Variants in ABCA13 observed in about 807,000 individuals in gnomAD.
The protein encoded by ABCA13 is ATP-binding cassette sub-family A member 13.
In ABCA13, 476 loss-of-function variants were observed where a neutral mutation model predicts 478.7. That is an observed-to-expected ratio of 0.99 (90% CI 0.92 to 1.07). ABCA13 has a LOEUF of 1.07. Among genes scored for constraint, ABCA13 ranks in the 50% least tolerant of loss-of-function variants. The pLI, the probability that ABCA13 is intolerant of heterozygous loss-of-function variation, is 0.00. For synonymous variants in ABCA13, 2,252 were observed against 2,158.9 expected, an observed-to-expected ratio of 1.04 and a Z score of -1.20; for missense variants, 6,060 against 5,910.6, an observed-to-expected ratio of 1.03 and a Z score of -0.83.
intron 31 of ABCA13, among the ~76,000 whole-genome samples, chr7:48,363,692 A>G (rs1199202349): frequency 2.6e-5 from 4 of 152,022 alleles, no homozygotes; most frequent in African/African-American, 9.7e-5. Flanking sequence ...TTTGTGCAGT[A>G]TCAATTTGGC....
chr7:48,589,492 T>C (rs1789517334), intron 57 of ABCA13, among the ~76,000 whole-genome samples: 1 of 152,194 alleles, frequency 6.6e-6, no homozygotes, highest in South Asian at 2.1e-4. Context: ...ACATAAATAT[T>C]CTGATGTGTT....
In ABCA13 at chr7:48,171,529, T is replaced by G; in HGVS notation, c.46T>G (p.Trp16Gly). The G allele has an allele frequency of 6.5e-7, 1 of 1,536,420 alleles. No homozygotes were observed. Reference sequence around the variant, plus strand: ...GTTCAAAGCCCTGCTGTGGAAGAATTGGCTCTGCAGACTCAGGAACCCGGT... The same window carrying G: ...GTTCAAAGCCCTGCTGTGGAAGAATGGGCTCTGCAGACTCAGGAACCCGGT... The part of the protein sequence containing the change: ...CQFKALLWKN[W>G]LCRLRNPVLF... Residue 16 changes from tryptophan (W) to glycine (G), a missense_variant, in exon 1 of 62, where the codon TGG becomes GGG. Transcript: ENST00000435803.
At position 48,305,027 on chromosome 7, in the gene ABCA13, A is replaced by T. The variant is rs139467120; in HGVS notation, c.9322-4920A>T. 3.3e-5 allele frequency among the ~76,000 whole-genome samples: 5 copies of T among 152,354 alleles called. No homozygotes were observed. The South Asian group carries it at 1.0e-3, about 32-fold the overall frequency. ...AATTCTTATTCATCTTTTCCCTTAA[A>T]TATCCTGTAAGTCAAAACTGTGCTT... On this transcript the variant is annotated intron_variant, in intron 23 of 61. Coordinates refer to ENST00000435803, the MANE Select transcript of ABCA13 (RefSeq NM_152701.5).
chr7:48,420,610 G>A (rs1221381695), intron 41 of ABCA13, among the ~76,000 whole-genome samples: 2 of 152,036 alleles, frequency 1.3e-5, no homozygotes, highest in African/African-American at 4.8e-5. Context: ...TGATTAGTGG[G>A]TTCCCTTTGT....
chr7:48,518,925 C>T (rs1832327086), intron 52 of ABCA13, among the ~76,000 whole-genome samples: 1 of 152,006 alleles, frequency 6.6e-6, no homozygotes, highest in Non-Finnish European at 1.5e-5. Context: ...GGTATTAAGC[C>T]CAGCATGCAT....
intron 48 of ABCA13, among the ~76,000 whole-genome samples, chr7:48,501,421 C>T (rs955489720): frequency 6.6e-6 from 1 of 152,100 alleles, no homozygotes; most frequent in African/African-American, 2.4e-5. Context: ...TAGAGCGCCC[C>T]ATGAGAGGAA....
rs1303518050 is a variant in ABCA13, at chr7:48,410,543, C to T, written c.12094C>T (p.His4032Tyr). 4.3e-6 allele frequency: 7 copies of T among 1,613,942 alleles called. No homozygotes were observed. Among genetic ancestry groups the T allele is most frequent in the Non-Finnish European group, 5.9e-6 (7 of 1,179,912 alleles). The change falls in exon 40 of 62, where the codon CAC (histidine) becomes TAC (tyrosine). Residue 4032 changes from histidine (H) to tyrosine (Y), a missense_variant. Transcript: ENST00000435803. ...AGGTCGTACGATCATCTTCACAACC[C>T]ACCACCTGGATGAAGCTGAAGCGCT... is the stretch of plus-strand genomic sequence containing the variant. ...REGRTIIFTT[H>Y]HLDEAEALSD...
chr7:48,500,879 ACACAGGACATAGTCCTGTGAGTGG>A (rs1339074073), intron 48 of ABCA13, among the ~76,000 whole-genome samples: 1 of 152,146 alleles, frequency 6.6e-6, no homozygotes, highest in East Asian at 1.9e-4. Flanking sequence ...AGGTGACCTT[ACACAGGACATAGTCCTGTGAGTGG>A]GCTATAGTAC....
chr7:48,242,876 C>A (rs35060898), intron 10 of ABCA13: 41,108 of 152,164 alleles, frequency 0.27, 6,285 homozygotes, highest in Non-Finnish European at 0.36. Flanking sequence ...TTGTTCATAT[C>A]TTTTTCTCTT....
intron 57 of ABCA13, among the ~76,000 whole-genome samples, chr7:48,594,228 T>C (rs1563481491): frequency 1.3e-5 from 2 of 152,144 alleles, no homozygotes; most frequent in Non-Finnish European, 2.9e-5. Context: ...CCATAAACCC[T>C]GTCAGGCTTT....
At chr7:48,534,368 A>G (rs1239273780) in intron 55 of ABCA13, among the ~76,000 whole-genome samples, 1 of 152,056 alleles carries the variant, frequency 6.6e-6, no homozygotes, top group African/African-American at 2.4e-5. Context: ...CTTTTCCTTT[A>G]TAGGTTACCT....
At chr7:48,402,891 G>A (rs1018678284) in intron 38 of ABCA13, among the ~76,000 whole-genome samples, 19 of 152,204 alleles carry the variant, frequency 1.2e-4, no homozygotes, top group Non-Finnish European at 2.5e-4. Context: ...AGTGGTCAAG[G>A]GAAGGTTTCA....
intron 27 of ABCA13, among the ~76,000 whole-genome samples, chr7:48,319,052 C>T (rs977213999): frequency 1.3e-5 from 2 of 152,068 alleles, no homozygotes; most frequent in Non-Finnish European, 2.9e-5. Flanking sequence ...GAGGCACAGG[C>T]TGTGGGGGGC....
chr7:48,328,046 A>G (rs1804597116), intron 27 of ABCA13, among the ~76,000 whole-genome samples: 1 of 152,216 alleles, frequency 6.6e-6, no homozygotes, highest in African/African-American at 2.4e-5. Context: ...CATTAAACGG[A>G]CACAAAGCCT....
intron 20 of ABCA13, among the ~76,000 whole-genome samples, chr7:48,293,379 T>G (rs902004890): frequency 2.6e-5 from 4 of 152,222 alleles, no homozygotes; most frequent in African/African-American, 7.2e-5. Context: ...CAAGAGAAAT[T>G]GACAGTGGTT....
At chr7:48,368,591 A>G (rs912257790) in intron 32 of ABCA13, among the ~76,000 whole-genome samples, 1 of 151,330 alleles carries the variant, frequency 6.6e-6, no homozygotes, top group African/African-American at 2.4e-5. Flanking sequence ...CTTCGCTTAG[A>G]ATAATAGTCT....
chr7:48,499,922 C>G (rs1830598988), intron 48 of ABCA13, among the ~76,000 whole-genome samples: 1 of 152,182 alleles, frequency 6.6e-6, no homozygotes, highest in Non-Finnish European at 1.5e-5. Flanking sequence ...AACCCAATTA[C>G]AGAGATTGTC....
chr7:48,322,317 A>G (rs543746376), intron 27 of ABCA13, among the ~76,000 whole-genome samples: 7 of 152,314 alleles, frequency 4.6e-5, no homozygotes, highest in African/African-American at 1.7e-4. Flanking sequence ...CAAGATGGCA[A>G]AGTTTTTCAG....
chr7:48,320,760 G>T (rs1179781037), intron 27 of ABCA13, among the ~76,000 whole-genome samples: 1 of 152,200 alleles, frequency 6.6e-6, no homozygotes, highest in African/African-American at 2.4e-5. Context: ...GGTGCACAAA[G>T]TAGGTTTAGT....
Sources: allele counts gnomAD v4.1 joint callset (sites outside exome capture counted in the v4.1 genomes callset), GRCh38; gene constraint gnomAD v4.1.1; transcripts MANE v1.5; gene names NCBI Gene and HGNC (gene_info 2026-07-23, HGNC 2026-07-21).